Variants in DST observed in about 807,000 individuals in gnomAD.
The protein encoded by DST is dystonin.
DST carries 253 observed loss-of-function variants against 875.2 expected under a neutral mutation model. The ratio of observed to expected loss-of-function variants is 0.29; its 90% CI spans 0.26 to 0.32. The LOEUF is 0.32. Among genes scored for constraint, DST ranks in the 10% least tolerant of loss-of-function variants. DST has a pLI of 1.00. For synonymous variants in DST, 3,124 were observed against 3,197.1 expected (o/e 0.98, Z 0.77); for missense variants, 8,287 against 9,111.6 (o/e 0.91, Z 3.68).
At chr6:56,903,653 T>C (rs1391956014) in intron 2 of DST, among the ~76,000 whole-genome samples, 2 of 152,002 alleles carry the variant, frequency 1.3e-5, no homozygotes, top group Non-Finnish European at 2.9e-5. Flanking sequence ...ACAGATGGGG[T>C]TTCACCATGT....
intron 61 of DST, among the ~76,000 whole-genome samples, chr6:56,537,882 T>A (rs1421522027): frequency 1.3e-5 from 2 of 152,250 alleles, no homozygotes; most frequent in Admixed American, 6.5e-5. Context: ...TATTTGCCAA[T>A]ATTTATTTGC....
At position 56,568,603 on chromosome 6, in the gene DST, T is replaced by C; in HGVS notation, c.13879-8A>G. ...CCACTTTTCTTGTAATTTCTTGAGATATAAAAACACATTATTTTTCCATCT... is the reference window on the plus strand; with the variant it reads ...CCACTTTTCTTGTAATTTCTTGAGACATAAAAACACATTATTTTTCCATCT... On this transcript the variant is annotated splice_polypyrimidine_tract_variant and splice_region_variant and intron_variant, in intron 54 of 103. Transcript: ENST00000680361. 1 of 1,584,704 alleles carries C rather than the reference T, an allele frequency of 6.3e-7. No homozygotes were observed. Among genetic ancestry groups the C allele is most frequent in the Non-Finnish European group, 8.6e-7 (1 of 1,164,476 alleles).
intron 9 of DST, among the ~76,000 whole-genome samples, chr6:56,687,736 T>C (rs1207328385): frequency 6.6e-6 from 1 of 152,104 alleles, no homozygotes; most frequent in Non-Finnish European, 1.5e-5. Flanking sequence ...TTAAACTATT[T>C]TGGCAGAAAC....
intron 4 of DST, among the ~76,000 whole-genome samples, chr6:56,812,580 CAT>C (rs1035052237): frequency 9.2e-5 from 14 of 152,134 alleles, no homozygotes; most frequent in East Asian, 1.9e-4. Flanking sequence ...TATTCTGAAA[CAT>C]GTGTGCTAAA....
intron 3 of DST, among the ~76,000 whole-genome samples, chr6:56,874,985 G>GT (rs533571881): frequency 3.9e-5 from 6 of 152,050 alleles, no homozygotes; most frequent in African/African-American, 1.4e-4. Flanking sequence ...GATGTTTTTT[G>GT]TTTTTTTGTT....
chr6:56,561,277 T>G (rs1347821523), intron 57 of DST, 31 bp downstream of exon 57: 1 of 1,575,252 alleles, frequency 6.3e-7, no homozygotes, highest in East Asian at 2.3e-5. Context: ...TTCTCTTTCA[T>G]GTCTTCCATA....
chr6:56,553,991 G>A (rs1339263372), intron 60 of DST, among the ~76,000 whole-genome samples: 1 of 151,696 alleles, frequency 6.6e-6, no homozygotes, highest in African/African-American at 2.4e-5. Flanking sequence ...ATTCCAGTAT[G>A]GAGAAGTGAT....
At chr6:56,613,038 T>A (rs1284667848) in intron 37 of DST, among the ~76,000 whole-genome samples, 1 of 151,916 alleles carries the variant, frequency 6.6e-6, no homozygotes, top group East Asian at 1.9e-4. Flanking sequence ...CAAAAATATA[T>A]ATATATACAC....
At chr6:56,805,545 A>G (rs1205136067) in intron 4 of DST, among the ~76,000 whole-genome samples, 1 of 152,222 alleles carries the variant, frequency 6.6e-6, no homozygotes, top group Non-Finnish European at 1.5e-5. Context: ...AGAGCAAAAC[A>G]ACTGGTTAAA....
rs903056407 is a variant in DST, at chr6:56,887,188, A to G, written c.417+13233T>C. 1.1e-4 allele frequency among the ~76,000 whole-genome samples: 17 copies of G among 152,382 alleles called. No individual in the cohort carries two copies. The East Asian group carries it at 2.5e-3, about 22-fold the overall frequency. ...GTACTGAAGCAGAGAGGAATCTAGC[A>G]TTACAAAAACTGTTAAGTCAGATGA... is the stretch of plus-strand genomic sequence containing the variant. On this transcript the variant is annotated intron_variant, in intron 3 of 103. Coordinates refer to ENST00000680361, the MANE Select transcript of DST (RefSeq NM_001374736.1).
At chr6:56,938,017 C>T (rs1335232589) in intron 2 of DST, among the ~76,000 whole-genome samples, 1 of 151,658 alleles carries the variant, frequency 6.6e-6, no homozygotes, top group Non-Finnish European at 1.5e-5. Flanking sequence ...TGCAAACAGG[C>T]ATGAGAAATC....
At chr6:56,658,998 C>T (rs897504262) in intron 10 of DST, among the ~76,000 whole-genome samples, 11 of 152,162 alleles carry the variant, frequency 7.2e-5, no homozygotes, top group African/African-American at 2.7e-4. Context: ...TGCAGACTCT[C>T]ATGAACGTCT....
At chr6:56,843,434 A>G in intron 4 of DST, 1 of 1,041,544 alleles carries the variant, frequency 9.6e-7, no homozygotes. Context: ...CAGCGAGCCC[A>G]GGGGCGGCGA....
At chr6:56,783,827 C>G (rs1305900434) in intron 4 of DST, among the ~76,000 whole-genome samples, 1 of 152,160 alleles carries the variant, frequency 6.6e-6, no homozygotes, top group Non-Finnish European at 1.5e-5. Context: ...TCTCAATGGT[C>G]TTTACATTTT....
intron 39 of DST, 45 bp from the exon 40 acceptor site, chr6:56,609,389 G>A: frequency 7.1e-7 from 1 of 1,400,052 alleles, no homozygotes; most frequent in Non-Finnish European, 9.7e-7. Context: ...GTTACACAAG[G>A]GTGGGCGGAG....
intron 50 of DST, 148 bp from the exon 51 acceptor site, chr6:56,574,035 AC>A (rs2152619085): frequency 1.8e-6 from 1 of 556,356 alleles, no homozygotes; most frequent in East Asian, 2.9e-5. Context: ...CATAATCAGA[AC>A]ACCACCTAAA....
chr6:56,618,270 C>T, intron 36 of DST: 1 of 1,614,058 alleles, frequency 6.2e-7, no homozygotes, highest in Non-Finnish European at 8.5e-7. Flanking sequence ...CACTTCTCTT[C>T]CAATGGCTGT....
chr6:56,483,357 C>T (rs534543230), intron 88 of DST, among the ~76,000 whole-genome samples: 26 of 152,150 alleles, frequency 1.7e-4, no homozygotes, highest in African/African-American at 4.3e-4. Flanking sequence ...GTGTGTACCA[C>T]GGATGTCTTA....
chr6:56,798,745 G>C (rs1561892049), intron 4 of DST, among the ~76,000 whole-genome samples: 1 of 152,014 alleles, frequency 6.6e-6, no homozygotes. Flanking sequence ...AAAATATTCT[G>C]GAAAAAATTC....
Sources: gnomAD v4.1 joint callset for allele counts (sites outside exome capture counted in the v4.1 genomes callset) on GRCh38, gnomAD v4.1.1 for gene constraint, MANE v1.5 for transcripts, NCBI Gene and HGNC (gene_info 2026-07-23, HGNC 2026-07-21) for gene names.